The following CLASP1 variants were observed in gnomAD, a reference collection of about 807,000 sequenced individuals.
CLASP1 encodes the protein cytoplasmic linker associated protein 1.
A neutral mutation model predicts 192.3 loss-of-function variants in CLASP1; 38 were observed. The ratio of observed to expected loss-of-function variants is 0.20; its 90% CI spans 0.15 to 0.26. CLASP1 has a LOEUF of 0.26. Ranked by LOEUF, CLASP1 falls within the 10% of genes least tolerant of loss-of-function variation. The pLI is 1.00. For missense variants in CLASP1, 1,433 were observed against 1,932.5 expected (o/e 0.74, Z 4.85); for synonymous variants, 691 against 712.8 (o/e 0.97, Z 0.49).
At chr2:121,639,367 T>C (rs1049154435) in intron 1 of CLASP1, among the ~76,000 whole-genome samples, 4 of 152,128 alleles carry the variant, frequency 2.6e-5, no homozygotes, top group Admixed American at 6.5e-5. Context: ...TCCATTTATA[T>C]GAAATATCCA....
At chr2:121,374,269 G>GT (rs1258402259) in intron 34 of CLASP1, among the ~76,000 whole-genome samples, 2 of 152,390 alleles carry the variant, frequency 1.3e-5, no homozygotes. Flanking sequence ...TCCATGTGGT[G>GT]TTGGGCCTGT....
At chr2:121,464,467 G>A (rs1270358111) in intron 9 of CLASP1, among the ~76,000 whole-genome samples, 1 of 152,138 alleles carries the variant, frequency 6.6e-6, no homozygotes, top group African/African-American at 2.4e-5. Context: ...CACCAACAGT[G>A]TAAAAGTGTT....
chr2:121,346,991 T>C (rs757569243), intron 39 of CLASP1, 47 bp downstream of exon 40: 24 of 1,198,884 alleles, frequency 2.0e-5, no homozygotes, highest in Non-Finnish European at 2.6e-5. Flanking sequence ...TATGACAAGC[T>C]GGCAGAGCCC....
chr2:121,345,981 C>G (rs1357816557), intron 39 of CLASP1, among the ~76,000 whole-genome samples: 1 of 152,226 alleles, frequency 6.6e-6, no homozygotes, highest in Non-Finnish European at 1.5e-5. Flanking sequence ...TAGAGAAACT[C>G]TGCTCTGAAC....
At chr2:121,393,871 T>TA (rs151255744) in intron 30 of CLASP1, among the ~76,000 whole-genome samples, 20,356 of 141,410 alleles carry the variant, frequency 0.14, 1,512 homozygotes, top group African/African-American at 0.18. Context: ...CTTGGATGAT[T>TA]AAAAAAAAAA....
chr2:121,404,469 TAC>T, intron 25 of CLASP1, 35 bp from the exon 27 acceptor site: 1 of 1,558,088 alleles, frequency 6.4e-7, no homozygotes, highest in East Asian at 2.3e-5. Flanking sequence ...ATGAATTTAC[TAC>T]TTTTATTATT....
At chr2:121,456,251 G>C (rs2086634480) in intron 14 of CLASP1, among the ~76,000 whole-genome samples, 1 of 151,324 alleles carries the variant, frequency 6.6e-6, no homozygotes, top group Non-Finnish European at 1.5e-5. Context: ...TATAATCCCA[G>C]CACTTTGGGA....
Position 121,363,314 on chromosome 2 carries a change from G to A in CLASP1, c.4078-14C>T. 1.2e-6 allele frequency: 2 copies of A among 1,613,078 alleles called. No homozygotes were observed. The highest frequency in any genetic ancestry group is 1.7e-6 in the Non-Finnish European group (2 of 1,179,644). On this transcript the variant is annotated splice_polypyrimidine_tract_variant and intron_variant, in intron 36 of 39. Transcript: ENST00000263710. Reference sequence around the variant, plus strand: ...TCGAATTGAATGCTAGAATACAAAGGGAAAGGAAGACATCACCAAACACCA... The same window carrying A: ...TCGAATTGAATGCTAGAATACAAAGAGAAAGGAAGACATCACCAAACACCA...
chr2:121,407,465 C>A lies in CLASP1; in HGVS notation c.2669+6G>T. 1.2e-6 allele frequency: 2 copies of A among 1,613,742 alleles called. No individual in the cohort carries two copies. Among genetic ancestry groups the A allele is most frequent in the South Asian group, 1.1e-5 (1 of 90,934 alleles). On this transcript the variant is annotated splice_donor_region_variant and intron_variant, in intron 25 of 39. Coordinates refer to ENST00000263710, the Ensembl canonical transcript of CLASP1. ...ACTTAGCTCATATTCTTGCTGTGGT[C>A]CTCACCTCAGTGTTCTTTGGCTCTT...
intron 8 of CLASP1, among the ~76,000 whole-genome samples, chr2:121,476,104 G>T (rs2091577755): frequency 6.6e-6 from 1 of 152,164 alleles, no homozygotes; most frequent in South Asian, 2.1e-4. Context: ...CAGTAAAACA[G>T]TAAAAATAAA....
chr2:121,384,372 G>T (rs1296467294), intron 32 of CLASP1, among the ~76,000 whole-genome samples: 2 of 151,838 alleles, frequency 1.3e-5, no homozygotes, highest in Non-Finnish European at 2.9e-5. Flanking sequence ...ATTCTTTGTA[G>T]AGACAGGATC....
At chr2:121,357,730 G>T (rs1028843831) in intron 37 of CLASP1, among the ~76,000 whole-genome samples, 1 of 152,188 alleles carries the variant, frequency 6.6e-6, no homozygotes, top group African/African-American at 2.4e-5. Flanking sequence ...TTACAAGCCT[G>T]TGAGGTGGGC....
intron 2 of CLASP1, among the ~76,000 whole-genome samples, chr2:121,548,364 G>A (rs2057680330): frequency 6.6e-6 from 1 of 152,112 alleles, no homozygotes; most frequent in African/African-American, 2.4e-5. Flanking sequence ...GACAAAAATA[G>A]TGACAAAAAG....
At chr2:121,474,669 G>A (rs374301363) in intron 8 of CLASP1, among the ~76,000 whole-genome samples, 21 of 152,280 alleles carry the variant, frequency 1.4e-4, no homozygotes, top group African/African-American at 4.3e-4. Context: ...CCAAGAGGCA[G>A]AGGTTGCAGT....
At chr2:121,578,631 G>A (rs1215938979) in intron 2 of CLASP1, among the ~76,000 whole-genome samples, 1 of 151,756 alleles carries the variant, frequency 6.6e-6, no homozygotes, top group Non-Finnish European at 1.5e-5. Flanking sequence ...GGGAGGCTGA[G>A]GCAGGAGAAT....
intron 8 of CLASP1, among the ~76,000 whole-genome samples, chr2:121,482,598 G>C (rs138839639): frequency 6.6e-6 from 1 of 152,148 alleles, no homozygotes; most frequent in African/African-American, 2.4e-5. Context: ...TTAATATCCA[G>C]AGTACCAAAG....
chr2:121,611,443 G>A (rs1321230625), intron 1 of CLASP1, among the ~76,000 whole-genome samples: 1 of 144,180 alleles, frequency 6.9e-6, no homozygotes, highest in East Asian at 2.1e-4. Context: ...GGAGGATGAT[G>A]AGGAGTTACA....
intron 39 of CLASP1, among the ~76,000 whole-genome samples, chr2:121,344,774 C>T (rs1314515205): frequency 1.3e-5 from 2 of 152,154 alleles, no homozygotes; most frequent in South Asian, 2.1e-4. Context: ...CTGCCAGCTA[C>T]CATCTGGTTG....
chr2:121,413,028 TG>T (rs2077985622), intron 23 of CLASP1, among the ~76,000 whole-genome samples: 1 of 152,056 alleles, frequency 6.6e-6, no homozygotes, highest in South Asian at 2.1e-4. Context: ...GAGGCCAAGG[TG>T]GGTAAATCGC....
Sources: allele counts gnomAD v4.1 joint callset (sites outside exome capture counted in the v4.1 genomes callset), GRCh38; gene constraint gnomAD v4.1.1; transcripts MANE v1.5; gene names NCBI Gene and HGNC (gene_info 2026-07-23, HGNC 2026-07-21).